The following PSMD9 variants were observed in gnomAD, a reference collection of about 807,000 sequenced individuals.
PSMD9 encodes the protein proteasome 26S subunit, non-ATPase 9.
A neutral mutation model predicts 25.9 loss-of-function variants in PSMD9; 26 were observed. The observed-to-expected ratio is 1.00, with a 90% CI of 0.73 to 1.39. The LOEUF is 1.39. PSMD9 is among the 40% of genes most tolerant of loss of function. The pLI is 0.00. For missense variants in PSMD9, 303 were observed against 299.3 expected (o/e 1.01, Z -0.09); for synonymous variants, 110 against 114.5 (o/e 0.96, Z 0.25).
At chr12:121,900,985 TAAAAAAAAAAA>T in intron 3 of PSMD9, among the ~76,000 whole-genome samples, 1 of 89,484 alleles carries the variant, frequency 1.1e-5, no homozygotes, top group Middle Eastern at 6.6e-3. Context: ...AGACTCTGTC[TAAAAAAAAAAA>T]AAAAAAAAAA....
chr12:121,912,006 CTTATTTAT>C (rs71453586), intron 4 of PSMD9, among the ~76,000 whole-genome samples: 3,935 of 136,528 alleles, frequency 0.029, 111 homozygotes, highest in East Asian at 0.13. Flanking sequence ...AATGAGCTTG[CTTATTTAT>C]TTATTTATTT....
chr12:121,892,842 G>A (rs1224074030), intron 1 of PSMD9, among the ~76,000 whole-genome samples: 1 of 152,100 alleles, frequency 6.6e-6, no homozygotes, highest in Non-Finnish European at 1.5e-5. Flanking sequence ...CACTGCACCC[G>A]ATCCTGGGCA....
chr12:121,915,085 A>T (rs572774264), intron 4 of PSMD9: 2 of 152,062 alleles, frequency 1.3e-5, no homozygotes, highest in Non-Finnish European at 2.9e-5. Flanking sequence ...GCACTTTGGG[A>T]GGCTGAGGTG....
intron 1 of PSMD9, 80 bp from the exon 2 acceptor site, chr12:121,894,659 C>A (rs1330709085): frequency 8.2e-7 from 1 of 1,212,256 alleles, no homozygotes; most frequent in Non-Finnish European, 1.2e-6. Context: ...ATTATGACTT[C>A]AGAGGAGAAG....
intron 1 of PSMD9, 33 bp from the exon 2 acceptor site, chr12:121,894,706 T>G: frequency 4.1e-5 from 65 of 1,583,394 alleles, no homozygotes; most frequent in Non-Finnish European, 5.3e-5. Flanking sequence ...ATTACACCCA[T>G]GAGCACCTTT....
chr12:121,889,410 G>A (rs1335849578), intron 1 of PSMD9, among the ~76,000 whole-genome samples: 1 of 152,200 alleles, frequency 6.6e-6, no homozygotes, highest in African/African-American at 2.4e-5. Context: ...TAAAGACAGA[G>A]TCTCACTGTG....
At position 121,894,841 on chromosome 12, in the gene PSMD9, T is replaced by A. The variant is rs774391318; in HGVS notation, c.241T>A (p.Cys81Ser). The A allele has an allele frequency of 1.9e-6, 3 of 1,612,378 alleles. No homozygotes were observed. Among genetic ancestry groups the A allele is most frequent in the Non-Finnish European group, 2.5e-6 (3 of 1,179,250 alleles). ...QVRTARHNII[C>S]LQNDHKAVMK... Reference sequence around the variant, plus strand: ...CCGCACCGCCAGGCACAACATCATATGTGAGTGGCCCTCTTAGAAGACTTT... The same window carrying A: ...CCGCACCGCCAGGCACAACATCATAAGTGAGTGGCCCTCTTAGAAGACTTT... Residue 81 changes from cysteine to serine, a missense_variant and splice_region_variant, in exon 2 of 6, where the codon TGC (cysteine) becomes AGC (serine). By Grantham distance (112) the Cys-to-Ser change is moderately radical. Coordinates refer to ENST00000541212, the MANE Select transcript of PSMD9 (RefSeq NM_002813.7).
intron 4 of PSMD9, among the ~76,000 whole-genome samples, chr12:121,903,700 C>T (rs926467845): frequency 6.6e-6 from 1 of 151,694 alleles, no homozygotes; most frequent in Non-Finnish European, 1.5e-5. Flanking sequence ...AAATTCCCCT[C>T]TCCTCTGCCC....
Position 121,916,447 on chromosome 12 carries a change from AG to A in PSMD9, c.*137del. The A allele has an allele frequency of 9.1e-7, 1 of 1,099,160 alleles. No homozygotes were observed. Among genetic ancestry groups the A allele is most frequent in the Non-Finnish European group, 1.4e-6 (1 of 725,256 alleles). The allele number at this position is 1,099,160 out of a possible 1,614,324, so 68.1% of individuals were successfully genotyped here. Reference sequence around the variant, plus strand: ...GTAACCTGAACTTCTGTGTGGTGGCAGTACTGTGGCCCACCAGTGTAATCTC... The same window carrying A: ...GTAACCTGAACTTCTGTGTGGTGGCATACTGTGGCCCACCAGTGTAATCTC... On this transcript the variant is annotated 3_prime_UTR_variant, in exon 6 of 6. Transcript: ENST00000541212.
chr12:121,903,117 G>A lies in PSMD9; in HGVS notation c.555+10G>A, dbSNP rs142562893. On this transcript the variant is annotated intron_variant, in intron 4 of 5. Transcript: ENST00000541212. Reference sequence around the variant, plus strand: ...GCAGCACAGTGAGGGGGTGAGTGGGGCTACCTGGTGTCTCGGTCTGTTTGG... The same window carrying A: ...GCAGCACAGTGAGGGGGTGAGTGGGACTACCTGGTGTCTCGGTCTGTTTGG... 1.9e-6 allele frequency: 3 copies of A among 1,607,632 alleles called. No individual in the cohort carries two copies. The highest frequency in any genetic ancestry group is 1.7e-6 in the Non-Finnish European group (2 of 1,174,392).
At position 121,915,893 on chromosome 12, in the gene PSMD9, A is replaced by G. The variant is rs760358798; in HGVS notation, c.593A>G (p.Lys198Arg). 2.0e-5 allele frequency: 32 copies of G among 1,613,790 alleles called. No individual in the cohort carries two copies. Among genetic ancestry groups the G allele is most frequent in the Non-Finnish European group, 2.4e-5 (28 of 1,179,978 alleles). The change falls in exon 5 of 6, where the codon AAA (lysine) becomes AGA (arginine). Residue 198 changes from lysine (K) to arginine (R), a missense_variant. Lys to Arg is a conservative substitution (Grantham distance 26). Transcript: ENST00000541212. ...LNVTVIRRGE[K>R]HQLRLVPTRW... ...GTGACAGTGATCCGCAGGGGGGAAA[A>G]ACACCAGCTTAGACTTGTTCCAACA... is the stretch of plus-strand genomic sequence containing the variant.
intron 4 of PSMD9, among the ~76,000 whole-genome samples, chr12:121,904,012 G>A (rs1479401172): frequency 6.6e-6 from 1 of 152,010 alleles, no homozygotes; most frequent in East Asian, 1.9e-4. Flanking sequence ...TAACCCAACA[G>A]TTGTGGATTT....
At chr12:121,905,174 A>G (rs1879516789) in intron 4 of PSMD9, among the ~76,000 whole-genome samples, 1 of 151,226 alleles carries the variant, frequency 6.6e-6, no homozygotes, top group East Asian at 1.9e-4. Flanking sequence ...TACCTGCACC[A>G]GATCCACCTT....
chr12:121,901,666 C>CTTCTTTTTTTT (rs1879401097), intron 3 of PSMD9, among the ~76,000 whole-genome samples: 9 of 93,612 alleles, frequency 9.6e-5, no homozygotes, highest in African/African-American at 5.3e-4. Context: ...TTCATTCCTT[C>CTTCTTTTTTTT]TTTTTTTTTT....
chr12:121,890,492 G>A (rs1879036768), intron 1 of PSMD9, among the ~76,000 whole-genome samples: 2 of 151,920 alleles, frequency 1.3e-5, no homozygotes, highest in Admixed American at 1.3e-4. Context: ...TATTGAGACA[G>A]GGTCTCGCTC....
chr12:121,915,218 AGGAGGCT>A (rs1879860202), intron 4 of PSMD9: 2 of 152,016 alleles, frequency 1.3e-5, no homozygotes, highest in Admixed American at 1.3e-4. Flanking sequence ...CCAGCTACTC[AGGAGGCT>A]GGGGCATGAG....
Position 121,899,848 on chromosome 12 carries a change from A to G in PSMD9, c.453+3A>G. The G allele has an allele frequency of 6.2e-7, 1 of 1,613,874 alleles. No individual in the cohort carries two copies. The highest frequency in any genetic ancestry group is 8.5e-7 in the Non-Finnish European group (1 of 1,179,848). ...CCGGCTCCCCAGCCAGCATCGCGGTAATCCAGGGGTTGGCCACTCAAGTCC... is the reference window on the plus strand; with the variant it reads ...CCGGCTCCCCAGCCAGCATCGCGGTGATCCAGGGGTTGGCCACTCAAGTCC... On this transcript the variant is annotated splice_donor_region_variant and intron_variant, in intron 3 of 5. Coordinates refer to ENST00000541212, the MANE Select transcript of PSMD9 (RefSeq NM_002813.7).
At chr12:121,894,598 GC>G in intron 1 of PSMD9, 140 bp from the exon 2 acceptor site, 1 of 695,920 alleles carries the variant, frequency 1.4e-6, no homozygotes, top group East Asian at 2.7e-5. Flanking sequence ...CATGAGTAGA[GC>G]CCCTGGTGTA....
At chr12:121,899,539 G>A in intron 2 of PSMD9, 95 bp from the exon 3 acceptor site, 14 of 1,188,936 alleles carry the variant, frequency 1.2e-5, no homozygotes, top group Non-Finnish European at 1.7e-5. Flanking sequence ...CATCTGGCAT[G>A]TAATAAGCAC....
Sources: allele counts gnomAD v4.1 joint callset (sites outside exome capture counted in the v4.1 genomes callset), GRCh38; gene constraint gnomAD v4.1.1; transcripts MANE v1.5; gene names NCBI Gene and HGNC (gene_info 2026-07-23, HGNC 2026-07-21).